The following TIAM1 variants were observed in gnomAD, a reference collection of about 807,000 sequenced individuals.
TIAM1 encodes the protein TIAM Rac1 associated GEF 1, also known as rho guanine nucleotide exchange factor TIAM1.
Under a neutral mutation model 163.5 loss-of-function variants are expected in TIAM1, and 65 were observed. The observed-to-expected ratio is 0.40, with a 90% CI of 0.33 to 0.49. TIAM1 has a LOEUF of 0.49. Ranked by LOEUF, TIAM1 falls within the 20% of genes least tolerant of loss-of-function variation. The pLI, the probability that TIAM1 is intolerant of heterozygous loss-of-function variation, is 0.77. For missense variants in TIAM1, 1,789 were observed against 2,044.7 expected (o/e 0.87, Z 2.41); for synonymous variants, 833 against 810.1 (o/e 1.03, Z -0.48).
At chr21:31,242,157 T>G (rs1031320785) in intron 6 of TIAM1, among the ~76,000 whole-genome samples, 1 of 152,132 alleles carries the variant, frequency 6.6e-6, no homozygotes, top group Middle Eastern at 3.2e-3. Context: ...AAACCATGTC[T>G]AAAGAAATAA....
chr21:31,434,931 T>C (rs1019435443), intron 2 of TIAM1, among the ~76,000 whole-genome samples: 8 of 152,206 alleles, frequency 5.3e-5, no homozygotes, highest in African/African-American at 1.7e-4. Flanking sequence ...AATTAATTAC[T>C]TAGTAAACGA....
At chr21:31,504,911 C>T (rs2046976139) in intron 1 of TIAM1, among the ~76,000 whole-genome samples, 1 of 152,182 alleles carries the variant, frequency 6.6e-6, no homozygotes, top group Non-Finnish European at 1.5e-5. Context: ...ATAGATACTC[C>T]TGCCCTGATA....
At chr21:31,474,974 A>G (rs892374963) in intron 1 of TIAM1, among the ~76,000 whole-genome samples, 3 of 151,686 alleles carry the variant, frequency 2.0e-5, no homozygotes, top group African/African-American at 4.8e-5. Context: ...GACCCACAGA[A>G]CAGGATTTGA....
At chr21:31,453,952 A>G (rs114949406) in intron 2 of TIAM1, among the ~76,000 whole-genome samples, 1 of 152,004 alleles carries the variant, frequency 6.6e-6, no homozygotes, top group African/African-American at 2.4e-5. Context: ...ACGAGCTGTT[A>G]TTACCTCTTC....
intron 2 of TIAM1, among the ~76,000 whole-genome samples, chr21:31,456,167 A>T (rs2045091889): frequency 6.6e-6 from 1 of 152,224 alleles, no homozygotes; most frequent in African/African-American, 2.4e-5. Context: ...TTATATTCTT[A>T]TCTTTCTGTG....
upstream of TIAM1, among the ~76,000 whole-genome samples, chr21:31,347,870 TG>T (rs1805978724): frequency 1.3e-5 from 2 of 152,158 alleles, no homozygotes; most frequent in South Asian, 4.2e-4. Context: ...GTATGTGAAT[TG>T]TTAGTGGATA....
chr21:31,165,900 C>G (rs1429372815), intron 15 of TIAM1, among the ~76,000 whole-genome samples: 1 of 152,224 alleles, frequency 6.6e-6, no homozygotes, highest in Non-Finnish European at 1.5e-5. Flanking sequence ...AATACCTGCT[C>G]TTCCCATGAT....
intron 1 of TIAM1, among the ~76,000 whole-genome samples, chr21:31,492,020 G>A (rs550568290): frequency 6.6e-6 from 1 of 152,066 alleles, no homozygotes; most frequent in East Asian, 1.9e-4. Flanking sequence ...GACTACATAA[G>A]CATTAAAAAT....
chr21:31,370,569 T>C (rs2147154055), intron 2 of TIAM1, among the ~76,000 whole-genome samples: 1 of 152,290 alleles, frequency 6.6e-6, no homozygotes, highest in South Asian at 2.1e-4. Context: ...GTGATGAGTA[T>C]GTGAGAGTTT....
chr21:31,417,132 C>T (rs2147251565), intron 2 of TIAM1, among the ~76,000 whole-genome samples: 1 of 152,326 alleles, frequency 6.6e-6, no homozygotes, highest in East Asian at 1.9e-4. Flanking sequence ...AAGCAATTCT[C>T]CTGCCTCAGC....
intron 6 of TIAM1, among the ~76,000 whole-genome samples, chr21:31,228,907 C>T (rs888756707): frequency 6.6e-6 from 1 of 152,130 alleles, no homozygotes; most frequent in African/African-American, 2.4e-5. Context: ...AAGTGCAGAA[C>T]AAAGCAGGGG....
chr21:31,407,511 A>G (rs1674352984), intron 2 of TIAM1, among the ~76,000 whole-genome samples: 1 of 152,126 alleles, frequency 6.6e-6, no homozygotes, highest in Admixed American at 6.5e-5. Flanking sequence ...GAGGTGAGCC[A>G]CTGGATACCC....
intron 2 of TIAM1, among the ~76,000 whole-genome samples, chr21:31,380,531 G>A (rs9983136): frequency 0.14 from 20,672 of 151,870 alleles, 1,576 homozygotes; most frequent in Middle Eastern, 0.34. Context: ...CAACAAGAGC[G>A]AAATTCCATC....
At chr21:31,209,514 A>G (rs751684868) in intron 11 of TIAM1, among the ~76,000 whole-genome samples, 1 of 152,210 alleles carries the variant, frequency 6.6e-6, no homozygotes, top group Non-Finnish European at 1.5e-5. Context: ...TTTCCCATCA[A>G]TGGAGGTCAA....
intron 2 of TIAM1, among the ~76,000 whole-genome samples, chr21:31,410,927 C>A (rs1285917852): frequency 2.0e-5 from 3 of 152,128 alleles, no homozygotes; most frequent in Non-Finnish European, 4.4e-5. Flanking sequence ...GCATTAGGGG[C>A]CCGCTCCTCA....
chr21:31,196,645 G>C (rs1197433502), intron 12 of TIAM1, among the ~76,000 whole-genome samples: 1 of 152,068 alleles, frequency 6.6e-6, no homozygotes, highest in Non-Finnish European at 1.5e-5. Flanking sequence ...ATACACTGTT[G>C]TTGGGAATGT....
At chr21:31,317,976 A>G (rs939127136) in intron 2 of TIAM1, among the ~76,000 whole-genome samples, 2 of 152,248 alleles carry the variant, frequency 1.3e-5, no homozygotes, top group African/African-American at 4.8e-5. Flanking sequence ...CCAGCTCAAC[A>G]GGATTTCAAA....
chr21:31,226,807 A>G (rs2088003430), intron 6 of TIAM1, among the ~76,000 whole-genome samples: 1 of 152,134 alleles, frequency 6.6e-6, no homozygotes, highest in African/African-American at 2.4e-5. Flanking sequence ...CCATCTCAAG[A>G]AATAATCTAT....
chr21:31,467,383 G>A (rs150111059), intron 1 of TIAM1, among the ~76,000 whole-genome samples: 4,604 of 152,010 alleles, frequency 0.03, 235 homozygotes, highest in African/African-American at 0.1. Context: ...CTGTAATCCC[G>A]GCACTCTGGG....
Sources: allele counts gnomAD v4.1 joint callset (sites outside exome capture counted in the v4.1 genomes callset), GRCh38; gene constraint gnomAD v4.1.1; transcripts MANE v1.5; gene names NCBI Gene and HGNC (gene_info 2026-07-23, HGNC 2026-07-21).